INPP5F: variants seen among roughly 807,000 people sequenced by gnomAD.
INPP5F encodes phosphatidylinositide 4-phosphatase SAC2.
INPP5F carries 97 observed loss-of-function variants against 137.2 expected under a neutral mutation model. The ratio of observed to expected loss-of-function variants is 0.71; its 90% confidence interval spans 0.60 to 0.84. The LOEUF (loss-of-function observed/expected upper bound fraction) is 0.84, where lower values mean the gene tolerates loss of function less well. Among genes scored for constraint, INPP5F ranks in the 40% least tolerant of loss-of-function variants. The pLI is 0.00. For missense variants in INPP5F, 1,271 were observed against 1,371.9 expected (o/e 0.93, Z 1.16); for synonymous variants, 504 against 476.9 (o/e 1.06, Z -0.74).
intron 3 of INPP5F, among the ~76,000 whole-genome samples, chr10:119,790,704 A>G (rs1850110031): frequency 1.3e-5 from 2 of 152,222 alleles, no homozygotes; most frequent in South Asian, 4.1e-4. Flanking sequence ...TAGTTTGTTG[A>G]AAAAATGGAA....
At chr10:119,750,060 C>T (rs574536499) in intron 1 of INPP5F, among the ~76,000 whole-genome samples, 72 of 152,234 alleles carry the variant, frequency 4.7e-4, no homozygotes, top group African/African-American at 1.5e-3. Flanking sequence ...TGAGCCACCA[C>T]GTCCAGCCAA....
chr10:119,774,091 G>C (rs989772142), intron 2 of INPP5F, among the ~76,000 whole-genome samples: 2 of 151,584 alleles, frequency 1.3e-5, no homozygotes, highest in Admixed American at 6.6e-5. Context: ...GTGAAACCCC[G>C]TCTCTACTAA....
intron 15 of INPP5F, among the ~76,000 whole-genome samples, chr10:119,812,988 T>C (rs1178862407): frequency 6.6e-6 from 1 of 152,216 alleles, no homozygotes. Context: ...GCATTTTCCT[T>C]GAGTTTTAAC....
intron 6 of INPP5F, among the ~76,000 whole-genome samples, chr10:119,792,421 G>A (rs776585098): frequency 6.6e-5 from 10 of 152,226 alleles, no homozygotes; most frequent in Admixed American, 5.2e-4. Flanking sequence ...TCACTGCCTC[G>A]TCACAGGCCT....
intron 16 of INPP5F, among the ~76,000 whole-genome samples, chr10:119,821,731 C>T (rs12777318): frequency 0.068 from 8,359 of 122,308 alleles, 418 homozygotes; most frequent in South Asian, 0.34. Flanking sequence ...TTCATCTCTG[C>T]CTCCCTCCGT....
intron 1 of INPP5F, among the ~76,000 whole-genome samples, chr10:119,743,207 A>C (rs1435070689): frequency 6.6e-6 from 1 of 152,140 alleles, no homozygotes; most frequent in Non-Finnish European, 1.5e-5. Flanking sequence ...TTGCCACTTT[A>C]AGTAGTAAAT....
At chr10:119,809,851 A>G (rs1312523717) in intron 13 of INPP5F, among the ~76,000 whole-genome samples, 1 of 152,246 alleles carries the variant, frequency 6.6e-6, no homozygotes, top group Non-Finnish European at 1.5e-5. Context: ...AATTGCCAAG[A>G]ATGGCTTTAC....
chr10:119,811,721 C>A, intron 14 of INPP5F, 36 bp from the exon 15 acceptor site: 1 of 1,517,542 alleles, frequency 6.6e-7, no homozygotes, highest in Non-Finnish European at 9.0e-7. Flanking sequence ...TATTAGTAAA[C>A]TAAAATGATG....
chr10:119,740,474 C>T (rs1259869645), intron 1 of INPP5F, among the ~76,000 whole-genome samples: 1 of 152,198 alleles, frequency 6.6e-6, no homozygotes, highest in Non-Finnish European at 1.5e-5. Context: ...AGAAGGCTTT[C>T]AGGAATTATG....
rs756263107 is a variant in INPP5F, at chr10:119,781,621, C to T, written c.179-14C>T. Reference sequence around the variant, plus strand: ...CTAAAAACGCCAGACTTTATTATGACTCTCCTCTTTCAGATCTTCCATGGT... The same window carrying T: ...CTAAAAACGCCAGACTTTATTATGATTCTCCTCTTTCAGATCTTCCATGGT... On this transcript the variant is annotated splice_polypyrimidine_tract_variant and intron_variant, in intron 2 of 19. Transcript: ENST00000650623. 6.3e-7 allele frequency: 1 copy of T among 1,597,262 alleles called. No individual in the cohort carries two copies. Among genetic ancestry groups the T allele is most frequent in the Admixed American group, 1.7e-5 (1 of 59,188 alleles).
At chr10:119,734,875 A>AG (rs1848176993) in intron 1 of INPP5F, among the ~76,000 whole-genome samples, 1 of 152,146 alleles carries the variant, frequency 6.6e-6, no homozygotes, top group Non-Finnish European at 1.5e-5. Flanking sequence ...GCCTTTAGTC[A>AG]ATCTAAGTCC....
chr10:119,735,237 A>AT (rs906240006), intron 1 of INPP5F, among the ~76,000 whole-genome samples: 2 of 152,176 alleles, frequency 1.3e-5, no homozygotes, highest in African/African-American at 4.8e-5. Context: ...ATACAGGTTG[A>AT]TTTTAGGTCA....
At chr10:119,777,658 T>C (rs1346423964) in intron 2 of INPP5F, among the ~76,000 whole-genome samples, 1 of 152,234 alleles carries the variant, frequency 6.6e-6, no homozygotes, top group Non-Finnish European at 1.5e-5. Context: ...ATGTGCTTTT[T>C]AAGAAGATTT....
In INPP5F at chr10:119,810,739, G is replaced by T. The variant is rs560708338; in HGVS notation, c.1687+522G>T. On this transcript the variant is annotated intron_variant, in intron 14 of 19. Coordinates refer to ENST00000650623, the MANE Select transcript of INPP5F (RefSeq NM_014937.4). ...GGAAGAGGAAATGGAAGGATAGATT[G>T]CCCAGTAGAATGTATGCATTGACAT... 3.9e-5 allele frequency among the ~76,000 whole-genome samples: 6 copies of T among 152,270 alleles called. No homozygotes were observed. The South Asian group carries it at 1.2e-3, about 32-fold the overall frequency.
Position 119,726,261 on chromosome 10 carries a change from G to A in INPP5F, c.-2G>A. ...CCGCCTCCCTGGGCGCGCGGGGCCA[G>A]CATGGAGCTCTTCCAAGCCAAGGAC... On this transcript the variant is annotated 5_prime_UTR_variant, in exon 1 of 20. Coordinates refer to ENST00000650623, the MANE Select transcript of INPP5F (RefSeq NM_014937.4). 1.4e-6 allele frequency: 2 copies of A among 1,472,978 alleles called. No homozygotes were observed. Among genetic ancestry groups the A allele is most frequent in the Non-Finnish European group, 1.8e-6 (2 of 1,110,992 alleles). The allele number at this position is 1,472,978 out of a possible 1,614,324, so 91.2% of individuals were successfully genotyped here.
At chr10:119,825,987 A>G (rs1403950492) in intron 19 of INPP5F, 3 of 398,450 alleles carry the variant, frequency 7.5e-6, no homozygotes, top group Non-Finnish European at 8.8e-6. Flanking sequence ...GAAGACACTA[A>G]TTGTTAAATG....
chr10:119,743,901 A>G (rs1213907588), intron 1 of INPP5F, among the ~76,000 whole-genome samples: 1 of 152,248 alleles, frequency 6.6e-6, no homozygotes, highest in Non-Finnish European at 1.5e-5. Flanking sequence ...GCAGTTCACC[A>G]GGAAAATATA....
chr10:119,771,859 TATATATATATATATATATATATA>T (rs1225396345), intron 2 of INPP5F, among the ~76,000 whole-genome samples: 15 of 10,568 alleles, frequency 1.4e-3, no homozygotes, highest in Non-Finnish European at 2.9e-3. Flanking sequence ...TATATATATA[TATATATATATATATATATATATA>T]TTTTTTTTTT....
At chr10:119,810,758 T>C (rs867996523) in intron 14 of INPP5F, among the ~76,000 whole-genome samples, 8 of 152,210 alleles carry the variant, frequency 5.3e-5, no homozygotes, top group Non-Finnish European at 7.3e-5. Context: ...AATGTATGCA[T>C]TGACATTTTA....
Sources: allele counts gnomAD v4.1 joint callset (sites outside exome capture counted in the v4.1 genomes callset), GRCh38; gene constraint gnomAD v4.1.1; transcripts MANE v1.5; gene names NCBI Gene and HGNC (gene_info 2026-07-23, HGNC 2026-07-21).